MAST4: variants seen among roughly 807,000 people sequenced by gnomAD.
MAST4 encodes the protein microtubule associated serine/threonine kinase family member 4.
Under a neutral mutation model 162.7 loss-of-function variants are expected in MAST4, and 89 were observed. That is an observed-to-expected ratio of 0.55 (90% CI 0.46 to 0.65). The LOEUF is 0.65. Ranked by LOEUF, MAST4 falls within the 30% of genes least tolerant of loss-of-function variation. The pLI is 0.00. For missense variants in MAST4, 3,153 were observed against 3,374.0 expected, an observed-to-expected ratio of 0.93 and a Z score of 1.62; for synonymous variants, 1,479 against 1,361.1, an observed-to-expected ratio of 1.09 and a Z score of -1.91.
intron 1 of MAST4, among the ~76,000 whole-genome samples, chr5:66,687,452 G>A (rs996314202): frequency 2.7e-5 from 4 of 150,914 alleles, no homozygotes; most frequent in East Asian, 1.9e-4. Context: ...CGGTATACAC[G>A]TATTCCATAG....
At chr5:66,991,421 C>A (rs1002098463) in intron 4 of MAST4, among the ~76,000 whole-genome samples, 5 of 152,162 alleles carry the variant, frequency 3.3e-5, no homozygotes, top group African/African-American at 1.2e-4. Context: ...TGTCTTATAT[C>A]TTTGAAGCAC....
chr5:66,724,452 G>T (rs1342153446), intron 1 of MAST4, among the ~76,000 whole-genome samples: 1 of 152,086 alleles, frequency 6.6e-6, no homozygotes, highest in Non-Finnish European at 1.5e-5. Context: ...GCCCTAGCTT[G>T]GTAACAGGGG....
chr5:66,609,812 C>T (rs1222917251), intron 1 of MAST4, among the ~76,000 whole-genome samples: 1 of 149,936 alleles, frequency 6.7e-6, no homozygotes, highest in East Asian at 2.0e-4. Context: ...CAGTTTGGAA[C>T]TTGGAGTGTA....
chr5:66,823,988 A>G (rs1483849694), intron 3 of MAST4, among the ~76,000 whole-genome samples: 1 of 152,190 alleles, frequency 6.6e-6, no homozygotes, highest in Non-Finnish European at 1.5e-5. Flanking sequence ...TTTATGAGCT[A>G]ATACAACATA....
At chr5:66,998,885 G>A (rs1012197477) in intron 4 of MAST4, among the ~76,000 whole-genome samples, 6 of 152,206 alleles carry the variant, frequency 3.9e-5, no homozygotes, top group African/African-American at 1.4e-4. Context: ...GCCCAGTAGA[G>A]GGATATCTAA....
intron 4 of MAST4, among the ~76,000 whole-genome samples, chr5:66,901,529 A>G (rs1479400627): frequency 6.6e-6 from 1 of 152,138 alleles, no homozygotes; most frequent in Admixed American, 6.5e-5. Context: ...TCTTTAGTGA[A>G]AAAAGAATAA....
rs139799894 is a variant in MAST4 at position 66,722,140 on chromosome 5, G to C, written c.364-37569G>C. ...GAGATGTCAGCCAGACCACTCTTCT[G>C]CTCAAACCTCTGAAGTTTTGAGTAA... On this transcript the variant is annotated intron_variant, in intron 1 of 28. Coordinates refer to ENST00000403625, the MANE Select transcript of MAST4 (RefSeq NM_001164664.2). 1.1e-3 allele frequency among the ~76,000 whole-genome samples: 160 copies of C among 152,160 alleles called. 2 individuals are homozygous for C. Among genetic ancestry groups the C allele is most frequent in the African/African-American group, 3.7e-3 (152 of 41,518 alleles).
chr5:66,725,953 A>C (rs1460725539), intron 1 of MAST4, among the ~76,000 whole-genome samples: 3 of 152,148 alleles, frequency 2.0e-5, no homozygotes, highest in Non-Finnish European at 4.4e-5. Flanking sequence ...CAGACAAATA[A>C]TTTAGCTGGC....
intron 1 of MAST4, among the ~76,000 whole-genome samples, chr5:66,704,804 C>CTGCT (rs1750023672): frequency 1.3e-5 from 2 of 152,290 alleles, no homozygotes; most frequent in South Asian, 4.1e-4. Context: ...TAAAAGCTTG[C>CTGCT]TGCTAATCAC....
chr5:66,696,666 T>C (rs1749423473), intron 1 of MAST4, among the ~76,000 whole-genome samples: 1 of 152,224 alleles, frequency 6.6e-6, no homozygotes, highest in African/African-American at 2.4e-5. Context: ...GTTCTCAAAG[T>C]GTGGTGGGTC....
At chr5:66,674,533 G>A (rs1294731459) in intron 1 of MAST4, among the ~76,000 whole-genome samples, 1 of 152,204 alleles carries the variant, frequency 6.6e-6, no homozygotes, top group East Asian at 1.9e-4. Context: ...AGAGAGATTA[G>A]AAACATAAGA....
chr5:66,962,583 T>G (rs781484721), intron 4 of MAST4, among the ~76,000 whole-genome samples: 1 of 152,114 alleles, frequency 6.6e-6, no homozygotes, highest in Non-Finnish European at 1.5e-5. Context: ...TTGTGTGTGC[T>G]TATAGTCCTG....
chr5:66,787,195 C>T (rs565764741), intron 2 of MAST4, among the ~76,000 whole-genome samples: 23 of 152,238 alleles, frequency 1.5e-4, no homozygotes, highest in Middle Eastern at 3.4e-3. Flanking sequence ...CTCTGATCCC[C>T]TCAATAACTT....
At chr5:67,142,885 A>C (rs1770581596) in intron 21 of MAST4, 1 of 178,600 alleles carries the variant, frequency 5.6e-6, no homozygotes, top group African/African-American at 2.4e-5. Context: ...CCTTGCACCC[A>C]CAGTCTTGTT....
chr5:67,060,101 T>A (rs1157634835), intron 5 of MAST4, among the ~76,000 whole-genome samples: 2 of 152,232 alleles, frequency 1.3e-5, no homozygotes, highest in Non-Finnish European at 2.9e-5. Flanking sequence ...GTACATTTTT[T>A]AAACAGAATA....
intron 4 of MAST4, among the ~76,000 whole-genome samples, chr5:66,959,635 TGC>T (rs145265129): frequency 0.029 from 4,457 of 152,332 alleles, 227 homozygotes; most frequent in African/African-American, 0.1. Flanking sequence ...ATCCCTATGT[TGC>T]CTTTTTCTAA....
At chr5:66,735,604 G>A (rs909308600) in intron 1 of MAST4, among the ~76,000 whole-genome samples, 1 of 152,148 alleles carries the variant, frequency 6.6e-6, no homozygotes, top group Non-Finnish European at 1.5e-5. Context: ...GGATCCATGC[G>A]CTTTGACAAT....
chr5:67,099,537 A>G (rs1764802804), intron 7 of MAST4, among the ~76,000 whole-genome samples: 1 of 152,188 alleles, frequency 6.6e-6, no homozygotes, highest in Non-Finnish European at 1.5e-5. Context: ...ATTTTAAAAT[A>G]AGTAGTATCT....
chr5:67,112,267 G>A (rs777322454), intron 11 of MAST4, among the ~76,000 whole-genome samples: 4 of 152,204 alleles, frequency 2.6e-5, no homozygotes, highest in East Asian at 1.9e-4. Flanking sequence ...AACCAAACTC[G>A]GTTTCTCCTG....
Sources: allele counts gnomAD v4.1 joint callset (sites outside exome capture counted in the v4.1 genomes callset), GRCh38; gene constraint gnomAD v4.1.1; transcripts MANE v1.5; gene names NCBI Gene and HGNC (gene_info 2026-07-23, HGNC 2026-07-21).